Variants in MACF1 observed in about 807,000 individuals in gnomAD.
The protein encoded by MACF1 is microtubule-actin cross-linking factor 1.
MACF1 carries 193 observed loss-of-function variants against 854.8 expected under a neutral mutation model. The observed-to-expected ratio is 0.23, with a 90% CI of 0.20 to 0.25. The LOEUF (loss-of-function observed/expected upper bound fraction) is 0.25, where lower values mean the gene tolerates loss of function less well. MACF1 is among the 10% of genes least tolerant of loss of function. The pLI, the probability that MACF1 is intolerant of heterozygous loss-of-function variation, is 1.00. For synonymous variants in MACF1, 3,185 were observed against 3,226.7 expected (o/e 0.99, Z 0.44); for missense variants, 7,722 against 8,929.1 (o/e 0.86, Z 5.45).
rs36028217 is a variant in MACF1 at position 39,477,999 on chromosome 1, A to ATTTTTTT, written c.21959-1784_21959-1778dup. Among the ~76,000 whole-genome samples the ATTTTTTT allele has an allele frequency of 1.5e-4, 15 of 101,846 alleles. 1 individual carries two copies. The highest frequency in any genetic ancestry group is 5.6e-4 in the African/African-American group (15 of 26,552). 66.8% of individuals were successfully genotyped at this position (101,846 alleles called of 152,430 possible). A position where few individuals can be genotyped will look rare whatever the true frequency, so the allele number is the denominator to read the frequency against. On this transcript the variant is annotated intron_variant, in intron 97 of 100. Transcript: ENST00000564288. ...CCTGGCAGAGTTTGCTCAGAAGTGA[A>ATTTTTTT]TTTTTTTTTTTTTTTTTTTTTGAGA... is the stretch of plus-strand genomic sequence containing the variant.
In MACF1 at chr1:39,317,336, G is replaced by A. The variant is rs760375396; in HGVS notation, c.3711G>A (p.Leu1237=). The change falls in exon 29 of 101, where the codon TTG becomes TTA. Residue 1237 remains leucine (L), a synonymous_variant. Coordinates refer to ENST00000564288, the MANE Select transcript of MACF1 (RefSeq NM_001394062.1). ...SRLTPERNLD[L]ERYQEKGSQL... ...TGACACCAGAGCGAAATCTGGATTT[G>A]GAGCGCTATCAGGAAAAAGGCTCCC... 1.4e-5 allele frequency: 23 copies of A among 1,613,812 alleles called. No homozygotes were observed. The South Asian group carries it at 2.5e-4, about 18-fold the overall frequency.
intron 1 of MACF1, among the ~76,000 whole-genome samples, chr1:39,220,181 A>G (rs1644632070): frequency 6.6e-6 from 1 of 151,878 alleles, no homozygotes; most frequent in Admixed American, 6.6e-5. Flanking sequence ...TAATGAAAAA[A>G]AAATTTTTTT....
rs779029841 is a variant in MACF1 at position 39,291,981 on chromosome 1, C to T, written c.1857C>T (p.His619=). 10 of 1,613,908 alleles carry T rather than the reference C, an allele frequency of 6.2e-6. No individual in the cohort carries two copies. The African/African-American group carries it at 1.1e-4, about 17-fold the overall frequency. Residue 619 remains histidine (H), a synonymous_variant, in exon 16 of 101, where the codon CAC becomes CAT. Transcript: ENST00000564288. ...SVELQLETQQ[H]IHTSVEELGS... ...AGTTGCAGCTAGAAACACAGCAGCA[C>T]ATCCATACGAGTGTAGAAGAGCTGG...
rs562911962 is a variant in MACF1, at chr1:39,455,345, A to G, written c.21075+248A>G. 3.9e-5 allele frequency among the ~76,000 whole-genome samples: 6 copies of G among 152,278 alleles called. No homozygotes were observed. The South Asian group carries it at 1.2e-3, about 32-fold the overall frequency. On this transcript the variant is annotated intron_variant, in intron 89 of 100. Coordinates refer to ENST00000564288, the MANE Select transcript of MACF1 (RefSeq NM_001394062.1). ...AGGTGTCAGCCAGTACTGCAGTCTC[A>G]TCTGGAGTTCAGGGTCCTCTTTTAG...
rs780899624 is a variant in MACF1, at chr1:39,447,849, C to G, written c.19919C>G (p.Ser6640Cys). The G allele has an allele frequency of 1.2e-6, 2 of 1,613,526 alleles. No individual in the cohort carries two copies. The highest frequency in any genetic ancestry group is 8.5e-7 in the Non-Finnish European group (1 of 1,179,866). ...QSRWEKVVQR[S>C]IERGRSLDDA... The stretch of plus-strand genomic sequence containing the variant: ...CGATGGGAGAAGGTTGTCCAGCGAT[C>G]TATTGAAAGAGGGCGATCACTAGAT... The change falls in exon 82 of 101, where the codon TCT becomes TGT. Residue 6640 changes from serine (S) to cysteine (C), a missense_variant. Physicochemically the swap from Ser to Cys is moderately radical, Grantham distance 112. This residue lies in a region of MACF1 where 729 missense variants were observed against 900.5 expected (regional missense o/e 0.81). Coordinates refer to ENST00000564288, the MANE Select transcript of MACF1 (RefSeq NM_001394062.1).
At chr1:39,270,539 C>T (rs1571242733) in intron 6 of MACF1, among the ~76,000 whole-genome samples, 1 of 152,116 alleles carries the variant, frequency 6.6e-6, no homozygotes, top group Admixed American at 6.5e-5. Flanking sequence ...GAGATGTGAA[C>T]ACTGAGATAA....
At chr1:39,156,517 G>C (rs757934852) in intron 2 of MACF1, among the ~76,000 whole-genome samples, 12 of 152,294 alleles carry the variant, frequency 7.9e-5, no homozygotes, top group Middle Eastern at 3.4e-3. Flanking sequence ...TACTTGGGGG[G>C]CTGAGGTGGG....
intron 1 of MACF1, among the ~76,000 whole-genome samples, chr1:39,209,520 A>T (rs1644491956): frequency 6.6e-6 from 1 of 152,098 alleles, no homozygotes; most frequent in Admixed American, 6.6e-5. Flanking sequence ...GGATAATATG[A>T]TCTTTTAAAG....
In MACF1 at chr1:39,148,948, C is replaced by T. The variant is rs1308331214; in HGVS notation, c.220+64510C>T. Reference sequence around the variant, plus strand: ...CCCCCTTTGGTTGATTTTATGTTGCCGTTGGAGGTTTTATACATTGGAATG... The same window carrying T: ...CCCCCTTTGGTTGATTTTATGTTGCTGTTGGAGGTTTTATACATTGGAATG... On this transcript the variant is annotated intron_variant, in intron 2 of 93. Transcript: ENST00000361689. 3.9e-5 allele frequency among the ~76,000 whole-genome samples: 6 copies of T among 152,078 alleles called. 1 individual carries two copies. The South Asian group carries it at 6.2e-4, about 16-fold the overall frequency.
chr1:39,117,957 C>T (rs1642589276), intron 2 of MACF1, among the ~76,000 whole-genome samples: 1 of 152,260 alleles, frequency 6.6e-6, no homozygotes, highest in African/African-American at 2.4e-5. Flanking sequence ...TGGCAGAGAG[C>T]TGCCACCTGT....
At chr1:39,344,727 T>C (rs927679833) in intron 40 of MACF1, among the ~76,000 whole-genome samples, 16 of 152,192 alleles carry the variant, frequency 1.1e-4, no homozygotes, top group African/African-American at 3.6e-4. Context: ...CGAGCGTTTT[T>C]AGAGGAAGTT....
At chr1:39,112,402 G>T (rs1642434625) in intron 2 of MACF1, among the ~76,000 whole-genome samples, 1 of 152,090 alleles carries the variant, frequency 6.6e-6, no homozygotes, top group African/African-American at 2.4e-5. Flanking sequence ...ATCTTTAAAA[G>T]ATTTTTATTA....
At chr1:39,451,391 CA>C (rs1461868475) in intron 85 of MACF1, among the ~76,000 whole-genome samples, 180 bp downstream of exon 85, 3 of 152,126 alleles carry the variant, frequency 2.0e-5, no homozygotes, top group African/African-American at 7.2e-5. Flanking sequence ...ACGAATTTAC[CA>C]AAATTGGTTT....
At chr1:39,251,555 C>G (rs974972834) in intron 3 of MACF1, among the ~76,000 whole-genome samples, 1 of 152,184 alleles carries the variant, frequency 6.6e-6, no homozygotes, top group African/African-American at 2.4e-5. Flanking sequence ...CAAAAACCAT[C>G]CAGATATCTC....
intron 1 of MACF1, among the ~76,000 whole-genome samples, chr1:39,228,164 G>T (rs1207668170): frequency 6.6e-6 from 1 of 152,104 alleles, no homozygotes; most frequent in Non-Finnish European, 1.5e-5. Flanking sequence ...TAAAAAATTA[G>T]CCGGACGTGG....
At chr1:39,412,358 T>C (rs1643052041) in intron 58 of MACF1, 3 of 1,614,068 alleles carry the variant, frequency 1.9e-6, no homozygotes, top group African/African-American at 2.7e-5. Flanking sequence ...AATAACAGTC[T>C]GACATCAATG....
intron 97 of MACF1, among the ~76,000 whole-genome samples, chr1:39,477,057 A>G (rs886167078): frequency 4.7e-4 from 9 of 18,990 alleles, no homozygotes; most frequent in Admixed American, 7.0e-4. Flanking sequence ...ATATATATAT[A>G]TATATATATA....
intron 97 of MACF1, among the ~76,000 whole-genome samples, chr1:39,478,267 T>G (rs1253830729): frequency 6.6e-6 from 1 of 152,160 alleles, no homozygotes; most frequent in African/African-American, 2.4e-5. Context: ...CCTCCCAAAG[T>G]GCTGGGATTA....
chr1:39,405,961 A>G (rs1047693366), intron 58 of MACF1, among the ~76,000 whole-genome samples: 4 of 152,134 alleles, frequency 2.6e-5, no homozygotes, highest in South Asian at 4.2e-4. Context: ...TGAGATGGCT[A>G]TTGGCAGAGT....
Sources: allele counts gnomAD v4.1 joint callset (sites outside exome capture counted in the v4.1 genomes callset), GRCh38; gene constraint gnomAD v4.1.1; regional missense constraint gnomAD v4.1.1; transcripts MANE v1.5; gene names NCBI Gene and HGNC (gene_info 2026-07-23, HGNC 2026-07-21).